The following MACF1 variants were observed in gnomAD, a reference collection of about 807,000 sequenced individuals.
MACF1 encodes microtubule actin crosslinking factor 1, also known as microtubule-actin cross-linking factor 1.
Under a neutral mutation model 854.8 loss-of-function variants are expected in MACF1, and 193 were observed. The ratio of observed to expected loss-of-function variants is 0.23; its 90% CI spans 0.20 to 0.25. MACF1 has a LOEUF of 0.25. Among genes scored for constraint, MACF1 ranks in the 10% least tolerant of loss-of-function variants. The probability of loss-of-function intolerance (pLI) is 1.00; values close to 1 mark genes in which losing one functional copy is unlikely to be tolerated. For synonymous variants in MACF1, 3,185 were observed against 3,226.7 expected (o/e 0.99, Z 0.44); for missense variants, 7,722 against 8,929.1 (o/e 0.86, Z 5.45).
rs747351520 is a variant in MACF1 at position 39,284,119 on chromosome 1, C to G, written c.969C>G (p.Pro323=). The change falls in exon 10 of 101, where the codon CCC becomes CCG. Residue 323 remains proline (P), a synonymous_variant. Transcript: ENST00000564288. ...AAAGCCGAGTGGACTCCCTCATTCC[C>G]TGGATCAAACAGCATACAATACTGA... is the stretch of plus-strand genomic sequence containing the variant. ...EYQSRVDSLI[P]WIKQHTILMS... is the part of the protein sequence containing the mutation. The G allele has an allele frequency of 6.2e-7, 1 of 1,614,030 alleles. No homozygotes were observed. Among genetic ancestry groups the G allele is most frequent in the East Asian group, 2.2e-5 (1 of 44,870 alleles).
chr1:39,261,527 C>T (rs184895032), intron 6 of MACF1, among the ~76,000 whole-genome samples: 2,363 of 152,258 alleles, frequency 0.016, 33 homozygotes, highest in Middle Eastern at 0.027. Flanking sequence ...TTTGCTTATT[C>T]TGGACATTTC....
intron 93 of MACF1, among the ~76,000 whole-genome samples, chr1:39,462,890 G>A (rs933792552): frequency 6.6e-6 from 1 of 152,086 alleles, no homozygotes; most frequent in African/African-American, 2.4e-5. Flanking sequence ...GAGGTGCTGG[G>A]ACAGGTCTTA....
chr1:39,213,856 G>C (rs1198682249), intron 1 of MACF1, among the ~76,000 whole-genome samples: 2 of 152,192 alleles, frequency 1.3e-5, no homozygotes, highest in Non-Finnish European at 2.9e-5. Context: ...TGAGAGCTTA[G>C]TCTAGGCGGG....
intron 70 of MACF1, chr1:39,435,973 T>C (rs1643965929): frequency 1.1e-5 from 6 of 542,546 alleles, no homozygotes. Flanking sequence ...GAGTCTTGGC[T>C]GGTATATATT....
chr1:39,485,715 T>C lies in MACF1; in HGVS notation c.22589T>C (p.Leu7530Pro). 1.2e-6 allele frequency: 2 copies of C among 1,613,920 alleles called. No homozygotes were observed. The highest frequency in any genetic ancestry group is 1.7e-6 in the Non-Finnish European group (2 of 1,179,874). ...AGGQGNSRRGLNKPSKIPTMS... is the reference protein window; with the variant it reads ...AGGQGNSRRGPNKPSKIPTMS... ...GGCCAAGGCAACTCCAGGAGAGGGCTAAACAAACCTTCCAAAATCCCAACC... is the reference window on the plus strand; with the variant it reads ...GGCCAAGGCAACTCCAGGAGAGGGCCAAACAAACCTTCCAAAATCCCAACC... Residue 7530 changes from leucine to proline, a missense_variant, in exon 101 of 101, where the codon CTA becomes CCA. By Grantham distance (98) the Leu-to-Pro change is moderately conservative (BLOSUM62 -3). Coordinates refer to ENST00000564288, the MANE Select transcript of MACF1 (RefSeq NM_001394062.1).
At chr1:39,176,278 C>CAAA (rs11406287) in intron 2 of MACF1, among the ~76,000 whole-genome samples, 1 of 139,860 alleles carries the variant, frequency 7.2e-6, no homozygotes, top group Non-Finnish European at 1.5e-5. Flanking sequence ...ACTCTGTCTC[C>CAAA]AAAAAAAAAA....
At chr1:39,093,700 G>A (rs192031117) in intron 2 of MACF1, among the ~76,000 whole-genome samples, 1 of 152,036 alleles carries the variant, frequency 6.6e-6, no homozygotes, top group Non-Finnish European at 1.5e-5. Flanking sequence ...TGGCCAGGAT[G>A]GTCTTAATCT....
Position 39,094,619 on chromosome 1 carries a change from G to A in MACF1, c.220+10181G>A, listed in dbSNP as rs190140112. On this transcript the variant is annotated intron_variant, in intron 2 of 93. Transcript: ENST00000361689. Reference sequence around the variant, plus strand: ...TGTAATCCCAGCTACTCGGGAGGCTGAGGCAGGAGAATTGCTTGAACCTGG... The same window carrying A: ...TGTAATCCCAGCTACTCGGGAGGCTAAGGCAGGAGAATTGCTTGAACCTGG... Among the ~76,000 whole-genome samples, 562 of 151,954 alleles carry A rather than the reference G, an allele frequency of 3.7e-3. 8 individuals carry two copies. Among genetic ancestry groups the A allele is most frequent in the Admixed American group, 0.027 (419 of 15,248 alleles).
intron 1 of MACF1, among the ~76,000 whole-genome samples, chr1:39,221,159 T>C (rs1270533394): frequency 6.6e-6 from 1 of 152,148 alleles, no homozygotes; most frequent in Non-Finnish European, 1.5e-5. Flanking sequence ...GAAAGGTAGA[T>C]AGATTGTAAA....
chr1:39,087,053 T>TG (rs1394911927), intron 2 of MACF1, among the ~76,000 whole-genome samples: 1 of 152,194 alleles, frequency 6.6e-6, no homozygotes, highest in Non-Finnish European at 1.5e-5. Flanking sequence ...TTTAGAATGC[T>TG]GTGGGGGCTC....
chr1:39,203,046 AAAAT>A (rs889967673), upstream of MACF1, among the ~76,000 whole-genome samples: 65 of 152,218 alleles, frequency 4.3e-4, no homozygotes, highest in Non-Finnish European at 2.2e-4. Flanking sequence ...AAGCAAAAGG[AAAAT>A]AAATAAATAA....
intron 51 of MACF1, among the ~76,000 whole-genome samples, chr1:39,372,066 G>A (rs1046168141): frequency 2.0e-5 from 3 of 151,936 alleles, no homozygotes; most frequent in Non-Finnish European, 2.9e-5. Flanking sequence ...TGATCTGCCC[G>A]CCTCAGCCTC....
intron 47 of MACF1, among the ~76,000 whole-genome samples, chr1:39,360,041 ATATATATAT>A (rs1648014505): frequency 1.4e-5 from 1 of 73,846 alleles, no homozygotes; most frequent in East Asian, 3.5e-4. Context: ...ATATATATAT[ATATATATAT>A]ATACACACAC....
In MACF1 at chr1:39,084,303, G is replaced by A. The variant is rs1428140963; in HGVS notation, c.85G>A (p.Glu29Lys). 4 of 1,614,028 alleles carry A rather than the reference G, an allele frequency of 2.5e-6. No individual in the cohort carries two copies. The South Asian group carries it at 3.3e-5, about 13-fold the overall frequency. The change falls in exon 2 of 94, where the codon GAG (glutamate) becomes AAG (lysine). Residue 29 changes from glutamate (E) to lysine (K), a missense_variant. Glu to Lys is a moderately conservative substitution (Grantham distance 56). Transcript: ENST00000361689. The surrounding 1 kb of genome is among the most constrained non-coding windows in gnomAD (Gnocchi z 5.2). ...TCGGAGTGAGCGATCTTACAGGAGC[G>A]AGCGGTCGGGGAGCCTGTCTCCCTG...
intron 97 of MACF1, among the ~76,000 whole-genome samples, chr1:39,472,930 A>G (rs1644804673): frequency 6.6e-6 from 1 of 152,252 alleles, no homozygotes; most frequent in Admixed American, 6.5e-5. Flanking sequence ...CACTGTTTAC[A>G]GTCTCAGATT....
intron 36 of MACF1, chr1:39,328,775 A>C (rs1166126978): frequency 6.6e-6 from 1 of 152,184 alleles, no homozygotes; most frequent in Admixed American, 6.5e-5. Context: ...TTAGGTCAGA[A>C]TGTCCATGTT....
chr1:39,146,474 A>G (rs1643467079), intron 2 of MACF1, among the ~76,000 whole-genome samples: 1 of 151,930 alleles, frequency 6.6e-6, no homozygotes, highest in South Asian at 2.1e-4. Context: ...AGAAAGAAAG[A>G]AAGAAAATGT....
chr1:39,323,048 TA>T, intron 33 of MACF1, 40 bp downstream of exon 33: 1 of 1,576,358 alleles, frequency 6.3e-7, no homozygotes, highest in Non-Finnish European at 8.7e-7. Context: ...GAAAGTACAG[TA>T]AAACATCTTA....
chr1:39,108,005 A>G (rs1166178583), intron 2 of MACF1, among the ~76,000 whole-genome samples: 1 of 151,888 alleles, frequency 6.6e-6, no homozygotes, highest in Middle Eastern at 3.2e-3. Context: ...CTGTATTAGG[A>G]ATGGTAGTCA....
Sources: gnomAD v4.1 joint callset for allele counts (sites outside exome capture counted in the v4.1 genomes callset) on GRCh38, gnomAD v4.1.1 for gene constraint, Gnocchi (gnomAD v3.1) non-coding constraint, MANE v1.5 for transcripts, NCBI Gene and HGNC (gene_info 2026-07-23, HGNC 2026-07-21) for gene names.